LARP4B: variants seen among roughly 807,000 people sequenced by gnomAD.
LARP4B encodes La ribonucleoprotein 4B, also known as la-related protein 4B.
A neutral mutation model predicts 89.8 loss-of-function variants in LARP4B; 12 were observed. The ratio of observed to expected loss-of-function variants is 0.13; its 90% confidence interval spans 0.09 to 0.22. The LOEUF (loss-of-function observed/expected upper bound fraction) is 0.22, where lower values mean the gene tolerates loss of function less well. Ranked by LOEUF, LARP4B falls within the 10% of genes least tolerant of loss-of-function variation. LARP4B has a pLI of 1.00. For missense variants in LARP4B, 757 were observed against 947.7 expected, an observed-to-expected ratio of 0.80 and a Z score of 2.64; for synonymous variants, 367 against 363.3, an observed-to-expected ratio of 1.01 and a Z score of -0.12.
At chr10:979,426 T>G in the LARP4B span, among the ~76,000 whole-genome samples, 1 of 152,204 alleles carries the variant, frequency 6.6e-6, no homozygotes, top group African/African-American at 2.4e-5. Context: ...AGCAGAATTA[T>G]AAGGAGGAGA....
chr10:938,289 C>T, the LARP4B span, among the ~76,000 whole-genome samples: 4 of 146,242 alleles, frequency 2.7e-5, no homozygotes, highest in Non-Finnish European at 6.0e-5. Flanking sequence ...CTCGCTCTGT[C>T]ACCCAGGCTG....
chr10:908,422 C>T lies in LARP4B; in HGVS notation c.-39-22662G>A, dbSNP rs144112349. On this transcript the variant is annotated intron_variant, in intron 1 of 17. Coordinates refer to ENST00000316157, the MANE Select transcript of LARP4B (RefSeq NM_015155.3). ...TCCTTACTTGTGTGAGTCTGTCAAG[C>T]AAAGTAATGGAACCCAAAGAGGGGG... 5.8e-4 allele frequency among the ~76,000 whole-genome samples: 88 copies of T among 152,242 alleles called. 1 individual carries two copies. In the East Asian group the frequency reaches 9.1e-3, roughly 16 times the overall value.
chr10:843,609 G>A (rs927855516), intron 6 of LARP4B, among the ~76,000 whole-genome samples: 10 of 152,084 alleles, frequency 6.6e-5, no homozygotes, highest in Admixed American at 2.6e-4. Flanking sequence ...TCAGGCAGGA[G>A]AATCGCTTGA....
At chr10:879,713 C>T (rs1178641056) in intron 3 of LARP4B, among the ~76,000 whole-genome samples, 2 of 152,112 alleles carry the variant, frequency 1.3e-5, no homozygotes, top group South Asian at 2.1e-4. Flanking sequence ...GAAATCCTCC[C>T]GCCTTGGCCT....
the LARP4B span, among the ~76,000 whole-genome samples, chr10:959,674 A>T: frequency 4.2e-5 from 1 of 23,888 alleles, no homozygotes; most frequent in Non-Finnish European, 7.2e-5. Context: ...CTCCCCGTCA[A>T]TCCACCTCCC....
At chr10:925,238 T>C (rs1051520424) in intron 1 of LARP4B, among the ~76,000 whole-genome samples, 2 of 152,170 alleles carry the variant, frequency 1.3e-5, no homozygotes, top group Non-Finnish European at 2.9e-5. Context: ...TGACGGGCCT[T>C]ACAGAAAAAT....
At chr10:873,696 A>G (rs1835336496) in intron 3 of LARP4B, among the ~76,000 whole-genome samples, 2 of 152,236 alleles carry the variant, frequency 1.3e-5, no homozygotes, top group South Asian at 4.1e-4. Context: ...AAAAAATCAA[A>G]GGAGAGCAAA....
the LARP4B span, among the ~76,000 whole-genome samples, chr10:966,009 AC>A: frequency 6.6e-6 from 1 of 151,866 alleles, no homozygotes; most frequent in African/African-American, 2.4e-5. Context: ...AAAGGGACTT[AC>A]GTGTAGATGA....
At chr10:808,265 G>C (rs1242974098), downstream of LARP4B, 1 of 152,252 alleles carries the variant, frequency 6.6e-6, no homozygotes, top group African/African-American at 2.4e-5. Context: ...GTTCTTCCCA[G>C]GGCAGTGCTG....
At chr10:929,448 A>T (rs192589638) in intron 1 of LARP4B, among the ~76,000 whole-genome samples, 7 of 152,240 alleles carry the variant, frequency 4.6e-5, no homozygotes, top group African/African-American at 9.6e-5. Context: ...TACAAAAATT[A>T]GCCAGGTGTG....
intron 2 of LARP4B, 86 bp downstream of exon 2, chr10:885,555 G>T: frequency 1.1e-6 from 1 of 914,888 alleles, no homozygotes; most frequent in Non-Finnish European, 1.7e-6. Context: ...CAGTGTTCCT[G>T]TTTAGAACTC....
the LARP4B span, among the ~76,000 whole-genome samples, chr10:938,715 T>C: frequency 2.6e-5 from 4 of 152,182 alleles, no homozygotes; most frequent in Non-Finnish European, 5.9e-5. Context: ...TATGTATATG[T>C]CTATATATAC....
At chr10:882,985 C>A (rs972295476) in intron 3 of LARP4B, among the ~76,000 whole-genome samples, 4 of 152,178 alleles carry the variant, frequency 2.6e-5, no homozygotes, top group African/African-American at 9.7e-5. Context: ...ACTCTCCACA[C>A]CTTTAGGTGC....
At chr10:888,859 G>A (rs1835936817) in intron 1 of LARP4B, among the ~76,000 whole-genome samples, 1 of 152,228 alleles carries the variant, frequency 6.6e-6, no homozygotes, top group Non-Finnish European at 1.5e-5. Flanking sequence ...GCTAAGGCAA[G>A]CAGAATGCTT....
intron 1 of LARP4B, among the ~76,000 whole-genome samples, chr10:898,035 C>T (rs1836240668): frequency 7.8e-6 from 1 of 127,498 alleles, no homozygotes; most frequent in Non-Finnish European, 1.7e-5. Flanking sequence ...TCCGAACGAA[C>T]ATTTTCCCAA....
At chr10:891,656 A>C (rs776809856) in intron 1 of LARP4B, among the ~76,000 whole-genome samples, 2 of 152,336 alleles carry the variant, frequency 1.3e-5, no homozygotes, top group Middle Eastern at 3.4e-3. Context: ...CTATAATAAA[A>C]GGTTAAAAAA....
chr10:874,772 G>A (rs1254114622), intron 3 of LARP4B, among the ~76,000 whole-genome samples: 2 of 151,832 alleles, frequency 1.3e-5, no homozygotes, highest in Non-Finnish European at 1.5e-5. Flanking sequence ...AAAAGTTTAG[G>A]AATTACACTT....
chr10:975,964 CGGCCT>C, the LARP4B span, among the ~76,000 whole-genome samples: 2 of 148,806 alleles, frequency 1.3e-5, no homozygotes, highest in Non-Finnish European at 1.5e-5. Flanking sequence ...CGTGTGGACC[CGGCCT>C]AGTAGAAGGT....
At chr10:837,935 A>C (rs1028762014) in intron 7 of LARP4B, among the ~76,000 whole-genome samples, 2 of 149,002 alleles carry the variant, frequency 1.3e-5, no homozygotes, top group African/African-American at 4.9e-5. Context: ...AGACACTGGT[A>C]GAACAAAAAA....
Sources: gnomAD v4.1 joint callset for allele counts (sites outside exome capture counted in the v4.1 genomes callset) on GRCh38, gnomAD v4.1.1 for gene constraint, MANE v1.5 for transcripts, NCBI Gene and HGNC (gene_info 2026-07-23, HGNC 2026-07-21) for gene names.